The following GFRAL variants were observed in gnomAD, a reference collection of about 807,000 sequenced individuals.
GFRAL encodes the protein GDNF family receptor alpha like, also known as GDNF family receptor alpha-like.
GFRAL carries 36 observed loss-of-function variants against 45.4 expected under a neutral mutation model. The observed-to-expected ratio is 0.79, with a 90% CI of 0.61 to 1.05. The LOEUF (loss-of-function observed/expected upper bound fraction) is 1.05. GFRAL is among the 50% of genes least tolerant of loss of function. GFRAL has a pLI of 0.00. For missense variants in GFRAL, 507 were observed against 467.5 expected (o/e 1.08, Z -0.78); for synonymous variants, 166 against 154.1 (o/e 1.08, Z -0.57).
chr6:55,395,669 C>G (rs1561868661), intron 6 of GFRAL, among the ~76,000 whole-genome samples: 1 of 151,432 alleles, frequency 6.6e-6, no homozygotes, highest in Non-Finnish European at 1.5e-5. Flanking sequence ...TAAATCATTA[C>G]TTTGTCTCTG....
intron 6 of GFRAL, among the ~76,000 whole-genome samples, chr6:55,365,764 C>A (rs1234687396): frequency 6.8e-6 from 1 of 146,598 alleles, no homozygotes. Flanking sequence ...GTATATTGAA[C>A]CAGCCTTGCA....
chr6:55,353,932 A>G (rs1768153188), intron 5 of GFRAL, among the ~76,000 whole-genome samples: 1 of 152,010 alleles, frequency 6.6e-6, no homozygotes, highest in African/African-American at 2.4e-5. Flanking sequence ...CTTTCTAACT[A>G]TCATATTCCT....
At chr6:55,342,379 TA>T (rs746760653) in intron 3 of GFRAL, among the ~76,000 whole-genome samples, 1 of 152,096 alleles carries the variant, frequency 6.6e-6, no homozygotes, top group East Asian at 1.9e-4. Flanking sequence ...TCAACATTCT[TA>T]AAGAAAAGAA....
At position 55,380,613 on chromosome 6, in the gene GFRAL, C is replaced by G. The variant is rs550970312; in HGVS notation, c.953-18567C>G. Among the ~76,000 whole-genome samples the G allele has an allele frequency of 3.3e-5, 5 of 152,040 alleles. No individual in the cohort carries two copies. In the South Asian group the frequency reaches 1.0e-3, roughly 32 times the overall value. On this transcript the variant is annotated intron_variant, in intron 6 of 8. Coordinates refer to ENST00000340465, the MANE Select transcript of GFRAL (RefSeq NM_207410.2). ...AGTCACCAGCCATAGGTCCCAGATC[C>G]TCTTTTCACTTACACCTCTCAGGGA...
chr6:55,397,568 A>T (rs1046820885), intron 6 of GFRAL, among the ~76,000 whole-genome samples: 17 of 142,894 alleles, frequency 1.2e-4, no homozygotes, highest in Admixed American at 4.2e-4. Flanking sequence ...ACTGTATTTG[A>T]GTTCAGACTC....
chr6:55,378,621 G>T (rs74587736), intron 6 of GFRAL, among the ~76,000 whole-genome samples: 3 of 152,018 alleles, frequency 2.0e-5, no homozygotes, highest in African/African-American at 7.2e-5. Flanking sequence ...ATTTGCCCAC[G>T]TCTTGCCACT....
chr6:55,398,192 G>T (rs1178458401), intron 6 of GFRAL, among the ~76,000 whole-genome samples: 1 of 152,120 alleles, frequency 6.6e-6, no homozygotes. Context: ...AGAGTCTGTT[G>T]TCACTAGTTT....
intron 5 of GFRAL, among the ~76,000 whole-genome samples, chr6:55,352,321 A>T (rs1223362797): frequency 6.6e-6 from 1 of 152,164 alleles, no homozygotes; most frequent in Admixed American, 6.6e-5. Flanking sequence ...AACATTTAAC[A>T]TTAAGAGAAA....
chr6:55,392,032 C>T (rs1768760767), intron 6 of GFRAL, among the ~76,000 whole-genome samples: 1 of 152,176 alleles, frequency 6.6e-6, no homozygotes, highest in Non-Finnish European at 1.5e-5. Context: ...TATACCAAGA[C>T]TAGACTAATT....
chr6:55,354,960 G>A (rs905320752), intron 5 of GFRAL, among the ~76,000 whole-genome samples: 4 of 151,754 alleles, frequency 2.6e-5, no homozygotes, highest in African/African-American at 9.7e-5. Flanking sequence ...ATTATGTCTT[G>A]CCAATTTCAC....
At position 55,397,524 on chromosome 6, in the gene GFRAL, CAAAAAAAAAAA is replaced by C. The variant is rs70986715; in HGVS notation, c.953-1640_953-1630del. Among the ~76,000 whole-genome samples, 70 of 67,418 alleles carry C rather than the reference CAAAAAAAAAAA, an allele frequency of 1.0e-3. 2 individuals are homozygous for C. Among genetic ancestry groups the C allele is most frequent in the Non-Finnish European group, 1.4e-3 (51 of 36,886 alleles). 44.2% of individuals were successfully genotyped at this position (67,418 alleles called of 152,430 possible). ...TGGGCGACAGAGCGAGACTCCGTCT[CAAAAAAAAAAA>C]AAAAAAAAAAAAAAATGCCTTAACT... On this transcript the variant is annotated intron_variant, in intron 6 of 8. Coordinates refer to ENST00000340465, the MANE Select transcript of GFRAL (RefSeq NM_207410.2).
chr6:55,395,781 GAAAAA>G (rs34724941), intron 6 of GFRAL, among the ~76,000 whole-genome samples: 2 of 137,412 alleles, frequency 1.5e-5, no homozygotes, highest in African/African-American at 5.3e-5. Context: ...AAGGATTTTG[GAAAAA>G]AAAAAAAAAG....
At chr6:55,346,618 C>A (rs1768045550) in intron 3 of GFRAL, among the ~76,000 whole-genome samples, 1 of 151,862 alleles carries the variant, frequency 6.6e-6, no homozygotes. Flanking sequence ...ATGCAGCACA[C>A]CAACATGGCG....
intron 6 of GFRAL, among the ~76,000 whole-genome samples, chr6:55,378,459 CT>C (rs1768563850): frequency 6.6e-6 from 1 of 151,926 alleles, no homozygotes; most frequent in African/African-American, 2.4e-5. Flanking sequence ...ACTGATCAGC[CT>C]TATGGAGAGG....
At chr6:55,356,966 G>A (rs1581910087) in intron 5 of GFRAL, among the ~76,000 whole-genome samples, 1 of 151,860 alleles carries the variant, frequency 6.6e-6, no homozygotes, top group East Asian at 1.9e-4. Flanking sequence ...ACAATCAGGA[G>A]CATATTGTTT....
chr6:55,381,941 G>A (rs773356407), intron 6 of GFRAL, among the ~76,000 whole-genome samples: 2 of 151,806 alleles, frequency 1.3e-5, no homozygotes, highest in Non-Finnish European at 2.9e-5. Flanking sequence ...TATTTCAGGA[G>A]CTTTATGTTA....
At chr6:55,360,672 T>C (rs1223486768) in intron 6 of GFRAL, among the ~76,000 whole-genome samples, 2 of 151,978 alleles carry the variant, frequency 1.3e-5, no homozygotes, top group African/African-American at 4.8e-5. Context: ...AAGTGTTATA[T>C]AAGTCATATT....
chr6:55,370,747 A>G (rs1296838648), intron 6 of GFRAL, among the ~76,000 whole-genome samples: 1 of 152,216 alleles, frequency 6.6e-6, no homozygotes, highest in Non-Finnish European at 1.5e-5. Context: ...TGGCCAATGT[A>G]GTTACATAGG....
intron 6 of GFRAL, among the ~76,000 whole-genome samples, chr6:55,373,928 A>T (rs1768489942): frequency 6.6e-6 from 1 of 151,994 alleles, no homozygotes; most frequent in Non-Finnish European, 1.5e-5. Flanking sequence ...AGGCTGCAGC[A>T]TTTGTTGTTC....
Sources: gnomAD v4.1 joint callset for allele counts (sites outside exome capture counted in the v4.1 genomes callset) on GRCh38, gnomAD v4.1.1 for gene constraint, MANE v1.5 for transcripts, NCBI Gene and HGNC (gene_info 2026-07-23, HGNC 2026-07-21) for gene names.